Variants in CCSER1 observed in about 807,000 individuals in gnomAD.
The protein encoded by CCSER1 is serine-rich coiled-coil domain-containing protein 1.
CCSER1 carries 41 observed loss-of-function variants against 82.0 expected under a neutral mutation model. That is an observed-to-expected ratio of 0.50 (90% CI 0.39 to 0.65). The LOEUF (loss-of-function observed/expected upper bound fraction) is 0.65, where lower values mean the gene tolerates loss of function less well. CCSER1 is among the 30% of genes least tolerant of loss of function. CCSER1 has a pLI of 0.00. For synonymous variants in CCSER1, 414 were observed against 383.9 expected, an observed-to-expected ratio of 1.08 and a Z score of -0.92; for missense variants, 1,119 against 1,064.2, an observed-to-expected ratio of 1.05 and a Z score of -0.72.
chr4:91,563,419 A>G (rs1422704967), intron 10 of CCSER1, among the ~76,000 whole-genome samples: 1 of 151,784 alleles, frequency 6.6e-6, no homozygotes, highest in African/African-American at 2.4e-5. Flanking sequence ...ATGAAGGATG[A>G]AAATCATATG....
At chr4:90,734,074 T>G (rs886371093) in intron 7 of CCSER1, among the ~76,000 whole-genome samples, 2 of 151,946 alleles carry the variant, frequency 1.3e-5, no homozygotes, top group African/African-American at 2.4e-5. Flanking sequence ...AAACGTCAAT[T>G]TAATCTATAG....
chr4:90,225,094 C>T (rs1162512482), intron 1 of CCSER1, among the ~76,000 whole-genome samples: 3 of 151,588 alleles, frequency 2.0e-5, no homozygotes, highest in Admixed American at 2.0e-4. Flanking sequence ...AGACAGTTTT[C>T]ACTCCATTGC....
chr4:90,989,402 T>G (rs1736836465), intron 9 of CCSER1, among the ~76,000 whole-genome samples: 1 of 151,748 alleles, frequency 6.6e-6, no homozygotes, highest in Non-Finnish European at 1.5e-5. Context: ...GGGGTATACG[T>G]TTTGAAGGAA....
At chr4:91,526,692 C>T (rs1347262597) in intron 10 of CCSER1, among the ~76,000 whole-genome samples, 1 of 152,104 alleles carries the variant, frequency 6.6e-6, no homozygotes, top group Non-Finnish European at 1.5e-5. Flanking sequence ...GCAACCTCTG[C>T]CTCCTCGGTT....
At chr4:90,341,478 A>G (rs1418955757) in intron 3 of CCSER1, among the ~76,000 whole-genome samples, 1 of 152,084 alleles carries the variant, frequency 6.6e-6, no homozygotes, top group Non-Finnish European at 1.5e-5. Flanking sequence ...TCCTTTTAAT[A>G]AACCTAGATA....
rs115783484 is a variant in CCSER1, at chr4:91,031,160, G to A, written c.2173-54790G>A. Reference sequence around the variant, plus strand: ...CACGTTTAGGCAGTATACAAAATAAGTCGGACTATTACAGATGTCACTGCC... The same window carrying A: ...CACGTTTAGGCAGTATACAAAATAAATCGGACTATTACAGATGTCACTGCC... On this transcript the variant is annotated intron_variant, in intron 9 of 10. Transcript: ENST00000509176. Among the ~76,000 whole-genome samples, 582 of 152,262 alleles carry A rather than the reference G, an allele frequency of 3.8e-3. 3 individuals carry two copies. Among genetic ancestry groups the A allele is most frequent in the African/African-American group, 0.014 (562 of 41,566 alleles).
intron 10 of CCSER1, among the ~76,000 whole-genome samples, chr4:91,277,689 T>C (rs1285607255): frequency 6.6e-6 from 1 of 151,868 alleles, no homozygotes; most frequent in African/African-American, 2.4e-5. Flanking sequence ...TGTTTAGTTC[T>C]GCTATGACTT....
intron 10 of CCSER1, among the ~76,000 whole-genome samples, chr4:91,349,440 G>A (rs1221037398): frequency 6.6e-6 from 1 of 151,972 alleles, no homozygotes; most frequent in East Asian, 1.9e-4. Flanking sequence ...TTAAGTTGTA[G>A]AAAGGCAAAT....
intron 7 of CCSER1, among the ~76,000 whole-genome samples, chr4:90,806,930 C>T (rs1189910525): frequency 6.6e-6 from 1 of 151,292 alleles, no homozygotes; most frequent in Non-Finnish European, 1.5e-5. Flanking sequence ...GTATCCTTAA[C>T]TCCATTTGAT....
intron 5 of CCSER1, among the ~76,000 whole-genome samples, chr4:90,473,033 A>T (rs1479326140): frequency 6.6e-6 from 1 of 152,164 alleles, no homozygotes; most frequent in African/African-American, 2.4e-5. Flanking sequence ...ATAAATTTAT[A>T]AAAATCCTAC....
At chr4:91,431,341 C>A (rs1235295436) in intron 10 of CCSER1, among the ~76,000 whole-genome samples, 1 of 152,134 alleles carries the variant, frequency 6.6e-6, no homozygotes. Flanking sequence ...CTGTGAAATG[C>A]TTTTCCTTCA....
chr4:91,036,963 G>A (rs1181626643), intron 9 of CCSER1, among the ~76,000 whole-genome samples: 3 of 151,898 alleles, frequency 2.0e-5, no homozygotes, highest in Admixed American at 6.6e-5. Flanking sequence ...CTGTAATCTC[G>A]CTACTCAGGA....
chr4:90,411,688 A>T (rs1454507482), intron 4 of CCSER1, among the ~76,000 whole-genome samples: 2 of 152,194 alleles, frequency 1.3e-5, no homozygotes, highest in African/African-American at 4.8e-5. Flanking sequence ...AAAAACTGGA[A>T]GCATTCCCTT....
At chr4:90,808,555 A>C (rs563751012) in intron 7 of CCSER1, among the ~76,000 whole-genome samples, 189 of 152,100 alleles carry the variant, frequency 1.2e-3, no homozygotes, top group Admixed American at 2.0e-3. Context: ...AAAATAAATA[A>C]TCCCATCAAA....
chr4:91,353,168 G>A (rs1392197638), intron 10 of CCSER1, among the ~76,000 whole-genome samples: 1 of 152,172 alleles, frequency 6.6e-6, no homozygotes, highest in Non-Finnish European at 1.5e-5. Context: ...AGTTGTAGAA[G>A]GAAGGGCTTT....
chr4:91,405,994 C>G (rs1483765726), intron 10 of CCSER1, among the ~76,000 whole-genome samples: 4 of 152,134 alleles, frequency 2.6e-5, no homozygotes, highest in Non-Finnish European at 5.9e-5. Context: ...CCTATTTGGC[C>G]ATCTTGGAAC....
chr4:90,432,521 C>T (rs1758424243), intron 4 of CCSER1, among the ~76,000 whole-genome samples: 3 of 152,058 alleles, frequency 2.0e-5, no homozygotes, highest in Non-Finnish European at 4.4e-5. Flanking sequence ...TCTTCCTCCA[C>T]CTTCTTGTTC....
At chr4:90,413,909 A>G (rs34142056) in intron 4 of CCSER1, among the ~76,000 whole-genome samples, 2 of 126,838 alleles carry the variant, frequency 1.6e-5, no homozygotes, top group Non-Finnish European at 3.2e-5. Flanking sequence ...AGATTGCGCC[A>G]CTGCACCCCA....
At chr4:91,061,417 C>T (rs142574907) in intron 9 of CCSER1, among the ~76,000 whole-genome samples, 2 of 152,020 alleles carry the variant, frequency 1.3e-5, no homozygotes, top group African/African-American at 4.8e-5. Context: ...TTTCTCAGCC[C>T]TCTCCACCAG....
Sources: allele counts gnomAD v4.1 joint callset (sites outside exome capture counted in the v4.1 genomes callset), GRCh38; gene constraint gnomAD v4.1.1; transcripts MANE v1.5; gene names NCBI Gene and HGNC (gene_info 2026-07-23, HGNC 2026-07-21).